LUC7L3: variants seen among roughly 807,000 people sequenced by gnomAD.
LUC7L3 encodes the protein luc7-like protein 3.
LUC7L3 carries 6 observed loss-of-function variants against 66.8 expected under a neutral mutation model. The observed-to-expected ratio is 0.09, with a 90% CI of 0.05 to 0.18. The LOEUF (loss-of-function observed/expected upper bound fraction) is 0.18. Among genes scored for constraint, LUC7L3 ranks in the 10% least tolerant of loss-of-function variants. LUC7L3 has a pLI of 1.00. For synonymous variants in LUC7L3, 160 were observed against 174.7 expected (o/e 0.92, Z 0.66); for missense variants, 341 against 531.1 (o/e 0.64, Z 3.52).
Position 50,755,532 on chromosome 17 carries a change from G to C in LUC7L3, c.*4871G>C, listed in dbSNP as rs1348311601. ...TTTTTCATTGTTGTATCAGAATTTTGAATTTACTATTTTAAAAATTCAAGA... is the reference window on the plus strand; with the variant it reads ...TTTTTCATTGTTGTATCAGAATTTTCAATTTACTATTTTAAAAATTCAAGA... On this transcript the variant is annotated 3_prime_UTR_variant, in exon 10 of 10. Coordinates refer to ENST00000505658, the MANE Select transcript of LUC7L3 (RefSeq NM_016424.5). The C allele has an allele frequency of 6.6e-6, 1 of 152,120 alleles. No homozygotes were observed. Among genetic ancestry groups the C allele is most frequent in the East Asian group, 1.9e-4 (1 of 5,196 alleles). The allele number at this position is 152,120 out of a possible 1,614,324, so 9.4% of individuals were successfully genotyped here. A position where few individuals can be genotyped will look rare whatever the true frequency, so the allele number is the denominator to read the frequency against.
Position 50,751,478 on chromosome 17 carries a change from G to T in LUC7L3, c.*817G>T. The T allele has an allele frequency of 2.5e-6, 3 of 1,196,020 alleles. No homozygotes were observed. Among genetic ancestry groups the T allele is most frequent in the East Asian group, 6.2e-5 (1 of 16,056 alleles). The allele number at this position is 1,196,020 out of a possible 1,614,324, so 74.1% of individuals were successfully genotyped here. ...TTGTTCTTTACAAGAAGTGCAGAGG[G>T]GTTTTTTGTGTATTGCGTGAAAACT... On this transcript the variant is annotated 3_prime_UTR_variant, in exon 10 of 10. Coordinates refer to ENST00000505658, the MANE Select transcript of LUC7L3 (RefSeq NM_016424.5).
At chr17:50,741,019 G>T in intron 3 of LUC7L3, 83 bp from the exon 4 acceptor site, 1 of 1,344,174 alleles carries the variant, frequency 7.4e-7, no homozygotes. Context: ...TGGAATAGTC[G>T]TTGAGGCTAG....
At chr17:50,734,783 A>G (rs906856647) in intron 1 of LUC7L3, among the ~76,000 whole-genome samples, 3 of 152,370 alleles carry the variant, frequency 2.0e-5, no homozygotes, top group Non-Finnish European at 2.9e-5. Flanking sequence ...CTTATGGAAC[A>G]ATAGTTTTAA....
chr17:50,734,778 G>A (rs1969866588), intron 1 of LUC7L3, among the ~76,000 whole-genome samples: 1 of 152,066 alleles, frequency 6.6e-6, no homozygotes, highest in Non-Finnish European at 1.5e-5. Context: ...TTAAACTTAT[G>A]GAACAATAGT....
At chr17:50,749,344 G>C in intron 9 of LUC7L3, 1 of 1,288,704 alleles carries the variant, frequency 7.8e-7, no homozygotes, top group Non-Finnish European at 1.0e-6. Context: ...TTTCCCACAA[G>C]GTCAGTTAGA....
rs1392344917 is a variant in LUC7L3 at position 50,741,239 on chromosome 17, C to G, written c.344C>G (p.Ser115Cys). The change falls in exon 4 of 10, where the codon TCT (serine) becomes TGT (cysteine). Residue 115 changes from serine to cysteine, a missense_variant. Transcript: ENST00000505658. ...TTGGCATTATCTCAAAACCAGCAGT[C>G]TTCTGGGGTAAGTGAAGTCAATTCA... The part of the protein sequence containing the change: ...ARLALSQNQQ[S>C]SGAAGPTGKN... 5.6e-6 allele frequency: 9 copies of G among 1,613,972 alleles called. No individual in the cohort carries two copies. Among genetic ancestry groups the G allele is most frequent in the Non-Finnish European group, 7.6e-6 (9 of 1,179,998 alleles).
Position 50,745,876 on chromosome 17 carries a change from G to T in LUC7L3, c.850G>T (p.Ala284Ser). ...AGAGGAAGAAAGAGAAAAAGAAAGG[G>T]CTCGTGACAGAGAAAGAAGAAAGAG... ...REEEEREKER[A>S]RDRERRKRSR... Residue 284 changes from alanine (A) to serine (S), a missense_variant, in exon 8 of 10, where the codon GCT becomes TCT. Coordinates refer to ENST00000505658, the MANE Select transcript of LUC7L3 (RefSeq NM_016424.5). 1.2e-6 allele frequency: 2 copies of T among 1,606,518 alleles called. No homozygotes were observed. Among genetic ancestry groups the T allele is most frequent in the Non-Finnish European group, 1.7e-6 (2 of 1,174,854 alleles).
chr17:50,729,625 G>A (rs972842424), intron 1 of LUC7L3, among the ~76,000 whole-genome samples: 15 of 151,822 alleles, frequency 9.9e-5, no homozygotes, highest in African/African-American at 1.7e-4. Flanking sequence ...TTCACCTACC[G>A]TGCACAGCTT....
intron 1 of LUC7L3, 73 bp downstream of exon 1, chr17:50,719,904 T>C: frequency 2.8e-6 from 4 of 1,413,688 alleles, no homozygotes; most frequent in Non-Finnish European, 3.8e-6. Context: ...GTGGCCCTCC[T>C]GGCCGCGGCG....
chr17:50,739,844 C>T lies in LUC7L3; in HGVS notation c.167-462C>T, dbSNP rs72839274. ...GAATTTTAAAAGGTGGAGGTAAATT[C>T]GGGAAGAAATAGAGAAGAGTTAAGA... On this transcript the variant is annotated intron_variant, in intron 2 of 9. Transcript: ENST00000505658. Among the ~76,000 whole-genome samples, 881 of 152,038 alleles carry T rather than the reference C, an allele frequency of 5.8e-3. 3 individuals carry two copies. The highest frequency in any genetic ancestry group is 9.9e-3 in the Non-Finnish European group (672 of 67,984).
At position 50,749,382 on chromosome 17, in the gene LUC7L3, A is replaced by G. The variant is rs1386543139; in HGVS notation, c.1139-1119A>G. ...CCACTGTCCTGGCACAGTTCTCACA[A>G]GTGGACAGACAGACATGAAGCAAGT... On this transcript the variant is annotated intron_variant, in intron 9 of 9. Transcript: ENST00000505658. 10 of 1,266,804 alleles carry G rather than the reference A, an allele frequency of 7.9e-6. No homozygotes were observed. In the East Asian group the frequency reaches 4.5e-4, roughly 57 times the overall value. The allele number at this position is 1,266,804 out of a possible 1,614,324, so 78.5% of individuals were successfully genotyped here.
chr17:50,742,058 AGAGT>A (rs1211919715), intron 5 of LUC7L3, among the ~76,000 whole-genome samples: 50 of 152,226 alleles, frequency 3.3e-4, no homozygotes, highest in African/African-American at 1.1e-3. Context: ...CTTGGGCAAC[AGAGT>A]GAGACCTCGT....
At chr17:50,738,176 G>A (rs1970104916) in intron 2 of LUC7L3, 8 of 455,862 alleles carry the variant, frequency 1.8e-5, no homozygotes, top group South Asian at 1.2e-4. Context: ...AAAGTGAACA[G>A]TTCCTGAGAA....
At chr17:50,722,108 C>T (rs2146680421) in intron 1 of LUC7L3, 1 of 151,622 alleles carries the variant, frequency 6.6e-6, no homozygotes, top group East Asian at 1.9e-4. Context: ...ACCCCTTCAA[C>T]TCCCCTTCCC....
At chr17:50,724,937 T>G (rs1214852550) in intron 1 of LUC7L3, among the ~76,000 whole-genome samples, 1 of 151,846 alleles carries the variant, frequency 6.6e-6, no homozygotes, top group Non-Finnish European at 1.5e-5. Context: ...AATTTTTGTG[T>G]TGTTGTAGAG....
At chr17:50,723,193 C>G (rs1004568747) in intron 1 of LUC7L3, 1 of 152,158 alleles carries the variant, frequency 6.6e-6, no homozygotes. Context: ...TTTTTATATT[C>G]TAGATCTCAA....
rs896944573 is a variant in LUC7L3, at chr17:50,720,332, C to T, written c.99+501C>T. ...AAGTCGTTTACTTGTTAGGGTTTAC[C>T]GTGATGATTTACAAGTATTGTTCGT... On this transcript the variant is annotated intron_variant, in intron 1 of 9. Transcript: ENST00000505658. 2.0e-5 allele frequency among the ~76,000 whole-genome samples: 3 copies of T among 152,278 alleles called. No homozygotes were observed. In the East Asian group the frequency reaches 5.8e-4, roughly 29 times the overall value.
chr17:50,747,053 T>TA (rs1970710257), intron 9 of LUC7L3, among the ~76,000 whole-genome samples: 1 of 152,086 alleles, frequency 6.6e-6, no homozygotes, highest in African/African-American at 2.4e-5. Context: ...ACTGCAGTGT[T>TA]TCATAATACG....
chr17:50,727,238 T>C (rs1203089751), intron 1 of LUC7L3, among the ~76,000 whole-genome samples: 6 of 152,184 alleles, frequency 3.9e-5, no homozygotes, highest in African/African-American at 1.4e-4. Flanking sequence ...TTAGTTGTTA[T>C]AAAGGAATAC....
Sources: gnomAD v4.1 joint callset for allele counts (sites outside exome capture counted in the v4.1 genomes callset) on GRCh38, gnomAD v4.1.1 for gene constraint, MANE v1.5 for transcripts, NCBI Gene and HGNC (gene_info 2026-07-23, HGNC 2026-07-21) for gene names.